Variants in AFF3 observed in about 807,000 individuals in gnomAD.
AFF3 encodes ALF transcription elongation factor 3.
A neutral mutation model predicts 129.7 loss-of-function variants in AFF3; 32 were observed. That is an observed-to-expected ratio of 0.25 (90% CI 0.19 to 0.33). AFF3 has a LOEUF of 0.33. Among genes scored for constraint, AFF3 ranks in the 10% least tolerant of loss-of-function variants. The pLI is 1.00. For synonymous variants in AFF3, 644 were observed against 635.4 expected (o/e 1.01, Z -0.20); for missense variants, 1,373 against 1,592.0 (o/e 0.86, Z 2.34).
In AFF3 at chr2:99,853,714, G is replaced by A. The variant is rs188235218; in HGVS notation, c.874-16190C>T. Among the ~76,000 whole-genome samples the A allele has an allele frequency of 2.0e-5, 3 of 152,270 alleles. No homozygotes were observed. In the East Asian group the frequency reaches 5.8e-4, roughly 29 times the overall value. ...CAGAGCCAGAGTCCAAACAACTGTG[G>A]GAGCCACGTCTGTGCTCTTAACTGC... On this transcript the variant is annotated intron_variant, in intron 7 of 24. Transcript: ENST00000672756.
intron 7 of AFF3, among the ~76,000 whole-genome samples, chr2:99,979,122 C>T (rs1392203363): frequency 6.6e-6 from 1 of 151,516 alleles, no homozygotes; most frequent in Non-Finnish European, 1.5e-5. Flanking sequence ...TATTTGCTTG[C>T]CTCCCTAGTA....
chr2:99,604,897 T>C (rs1680179120), intron 13 of AFF3, among the ~76,000 whole-genome samples: 1 of 152,270 alleles, frequency 6.6e-6, no homozygotes, highest in Admixed American at 6.5e-5. Flanking sequence ...GTATATTCTA[T>C]CTGCTTTCAC....
chr2:99,718,409 G>A (rs1158951847), intron 11 of AFF3, among the ~76,000 whole-genome samples: 1 of 152,054 alleles, frequency 6.6e-6, no homozygotes, highest in East Asian at 1.9e-4. Context: ...TGTTTTTTAT[G>A]TCAGTTTAAA....
At chr2:99,685,982 A>T (rs1575692065) in intron 11 of AFF3, among the ~76,000 whole-genome samples, 1 of 152,036 alleles carries the variant, frequency 6.6e-6, no homozygotes, top group East Asian at 1.9e-4. Flanking sequence ...AGGTCAGGAG[A>T]TCGAGACCAT....
intron 4 of AFF3, among the ~76,000 whole-genome samples, chr2:100,085,388 G>C (rs1270368130): frequency 6.6e-6 from 1 of 151,670 alleles, no homozygotes; most frequent in South Asian, 2.1e-4. Flanking sequence ...TGTCCCCAAA[G>C]GCTCCAGTCT....
intron 7 of AFF3, among the ~76,000 whole-genome samples, chr2:99,844,677 T>C (rs1689596056): frequency 6.6e-6 from 1 of 152,004 alleles, no homozygotes; most frequent in Non-Finnish European, 1.5e-5. Flanking sequence ...TCAGGTGATC[T>C]GCCCACCTCG....
At chr2:99,738,415 T>A (rs1378773546) in intron 10 of AFF3, among the ~76,000 whole-genome samples, 1 of 152,152 alleles carries the variant, frequency 6.6e-6, no homozygotes, top group Non-Finnish European at 1.5e-5. Context: ...TATTTTTAAT[T>A]CTCAAGTGTT....
At chr2:99,760,381 T>G (rs565843473) in intron 8 of AFF3, among the ~76,000 whole-genome samples, 1 of 152,326 alleles carries the variant, frequency 6.6e-6, no homozygotes, top group Non-Finnish European at 1.5e-5. Flanking sequence ...AGTTTTTTCA[T>G]AGAAACAGAT....
chr2:99,692,413 G>A (rs977027831), intron 11 of AFF3, among the ~76,000 whole-genome samples: 1 of 152,166 alleles, frequency 6.6e-6, no homozygotes, highest in African/African-American at 2.4e-5. Context: ...GGCAAGAGTT[G>A]GGAAGATGTC....
intron 18 of AFF3, among the ~76,000 whole-genome samples, chr2:99,574,442 A>C (rs932244973): frequency 6.6e-6 from 1 of 152,202 alleles, no homozygotes; most frequent in African/African-American, 2.4e-5. Flanking sequence ...GCACATGCTA[A>C]CACGCCCGGC....
At chr2:99,649,526 T>C (rs1685034211) in intron 13 of AFF3, 100 bp downstream of exon 13, 17 of 1,307,536 alleles carry the variant, frequency 1.3e-5, no homozygotes, top group South Asian at 1.2e-4. Context: ...AGTTCAGAGA[T>C]ACTTTAGGGA....
At chr2:99,653,173 C>G (rs1458657829) in intron 12 of AFF3, among the ~76,000 whole-genome samples, 3 of 152,204 alleles carry the variant, frequency 2.0e-5, no homozygotes, top group Non-Finnish European at 4.4e-5. Flanking sequence ...AATTTAACTC[C>G]CTACTCCTGA....
chr2:99,896,620 C>CTTTATTTTT (rs1693974374), intron 7 of AFF3, among the ~76,000 whole-genome samples: 1 of 36,074 alleles, frequency 2.8e-5, no homozygotes, highest in African/African-American at 9.1e-5. Flanking sequence ...TGTCAAAATG[C>CTTTATTTTT]TTTTTTTTTT....
intron 11 of AFF3, among the ~76,000 whole-genome samples, chr2:99,685,233 C>G (rs1417107964): frequency 2.0e-5 from 3 of 152,178 alleles, no homozygotes; most frequent in African/African-American, 4.8e-5. Context: ...GAGCCACCCC[C>G]CTGGCCTTTC....
At chr2:99,582,679 A>T in intron 17 of AFF3, 119 bp downstream of exon 17, 1 of 1,079,522 alleles carries the variant, frequency 9.3e-7, no homozygotes. Context: ...AGCGGGAGGC[A>T]TTCAGGAATT....
At chr2:99,929,514 G>A (rs896629765) in intron 7 of AFF3, among the ~76,000 whole-genome samples, 8 of 152,042 alleles carry the variant, frequency 5.3e-5, no homozygotes, top group Non-Finnish European at 1.2e-4. Flanking sequence ...TTATGTTGAT[G>A]TGCTTATTTA....
chr2:100,106,324 G>A (rs1439344247), intron 2 of AFF3: 5 of 1,159,080 alleles, frequency 4.3e-6, no homozygotes, highest in Non-Finnish European at 5.4e-6. Context: ...TTAGCTGAAG[G>A]TAGCAAGTAG....
chr2:99,795,132 C>A (rs906861964), intron 8 of AFF3, among the ~76,000 whole-genome samples: 2 of 152,038 alleles, frequency 1.3e-5, no homozygotes, highest in Non-Finnish European at 2.9e-5. Flanking sequence ...CCTAAGTGCC[C>A]ATCAATGGAT....
At chr2:99,873,622 C>A (rs1383621426) in intron 7 of AFF3, among the ~76,000 whole-genome samples, 2 of 151,684 alleles carry the variant, frequency 1.3e-5, no homozygotes, top group East Asian at 3.9e-4. Flanking sequence ...CAATGAAGAA[C>A]AAAGCTGGCC....
Sources: allele counts gnomAD v4.1 joint callset (sites outside exome capture counted in the v4.1 genomes callset), GRCh38; gene constraint gnomAD v4.1.1; transcripts MANE v1.5; gene names NCBI Gene and HGNC (gene_info 2026-07-23, HGNC 2026-07-21).